ZNF469: variants seen among roughly 807,000 people sequenced by gnomAD.
ZNF469 encodes zinc finger protein 469.
A neutral mutation model predicts 1.0 loss-of-function variants in ZNF469; 1 was observed. The observed-to-expected ratio is 1.00, with a 90% confidence interval of 0.35 to 4.73. ZNF469 has a LOEUF of 4.73. ZNF469 is among the 30% of genes most tolerant of loss of function. The pLI is 0.16. For missense variants in ZNF469, 6,100 were observed against 5,356.3 expected (o/e 1.14, Z -4.33); for synonymous variants, 2,703 against 2,363.4 (o/e 1.14, Z -4.17).
At chr16:88,262,751 AG>A in the ZNF469 span, among the ~76,000 whole-genome samples, 1 of 152,116 alleles carries the variant, frequency 6.6e-6, no homozygotes, top group African/African-American at 2.4e-5. The surrounding 1 kb of genome is among the most constrained non-coding windows in gnomAD (Gnocchi z 4.3). Flanking sequence ...GGGATGCTTC[AG>A]TGAGTTCTAA....
At chr16:88,349,093 C>T in the ZNF469 span, among the ~76,000 whole-genome samples, 13 of 152,256 alleles carry the variant, frequency 8.5e-5, no homozygotes, top group Non-Finnish European at 1.2e-4. Context: ...TGGCTCTGGG[C>T]GGGAGGCAGG....
the ZNF469 span, among the ~76,000 whole-genome samples, chr16:88,338,750 G>A: frequency 6.6e-6 from 1 of 152,130 alleles, no homozygotes; most frequent in Admixed American, 6.5e-5. Flanking sequence ...ACAGAGGAAG[G>A]GCAGGGCCAC....
At chr16:88,385,794 C>T (rs1380235414) in intron 1 of ZNF469, among the ~76,000 whole-genome samples, 1 of 152,174 alleles carries the variant, frequency 6.6e-6, no homozygotes, top group Non-Finnish European at 1.5e-5. Context: ...GACCAAACCC[C>T]TCTGGGACTT....
intron 1 of ZNF469, among the ~76,000 whole-genome samples, chr16:88,390,165 C>G (rs1220962775): frequency 1.3e-5 from 2 of 152,222 alleles, no homozygotes; most frequent in Non-Finnish European, 2.9e-5. Flanking sequence ...TCCCTGTGCT[C>G]TCCAGGCAGA....
At chr16:88,422,419 G>T in intron 1 of ZNF469, among the ~76,000 whole-genome samples, 1 of 146,726 alleles carries the variant, frequency 6.8e-6, no homozygotes, top group South Asian at 2.3e-4. Context: ...GTGGACAAAT[G>T]GTAAAAGGGT....
the ZNF469 span, among the ~76,000 whole-genome samples, chr16:88,367,901 C>T: frequency 7.7e-4 from 117 of 152,316 alleles, no homozygotes; most frequent in African/African-American, 2.7e-3. Context: ...ACCAGTGAAC[C>T]TGGGCCAGCA....
the ZNF469 span, chr16:88,178,857 CTGG>C: frequency 6.9e-6 from 1 of 144,984 alleles, no homozygotes; most frequent in African/African-American, 2.5e-5. Context: ...CCACCTTCAC[CTGG>C]AGGCCGCCTT....
the ZNF469 span, among the ~76,000 whole-genome samples, chr16:88,205,659 G>A: frequency 6.6e-6 from 1 of 152,188 alleles, no homozygotes; most frequent in Non-Finnish European, 1.5e-5. The surrounding 1 kb of genome is among the most constrained non-coding windows in gnomAD (Gnocchi z 4.2). Context: ...ACAGTACAAG[G>A]CACGGATGCG....
chr16:88,211,364 T>C, the ZNF469 span, among the ~76,000 whole-genome samples: 5 of 152,252 alleles, frequency 3.3e-5, no homozygotes, highest in Non-Finnish European at 7.3e-5. Context: ...GTTAAATGCC[T>C]GGAAGGCCAG....
the ZNF469 span, among the ~76,000 whole-genome samples, chr16:88,306,695 A>G: frequency 3.3e-5 from 5 of 152,142 alleles, no homozygotes; most frequent in Non-Finnish European, 7.4e-5. Context: ...GGACAGGGCA[A>G]CCCAGGACCC....
chr16:88,215,227 T>C, the ZNF469 span, among the ~76,000 whole-genome samples: 4 of 152,144 alleles, frequency 2.6e-5, no homozygotes, highest in Non-Finnish European at 5.9e-5. Flanking sequence ...TGCATTTCTA[T>C]CTACCATGCT....
At chr16:88,189,676 T>A in the ZNF469 span, among the ~76,000 whole-genome samples, 3 of 152,190 alleles carry the variant, frequency 2.0e-5, no homozygotes, top group African/African-American at 7.2e-5. The surrounding 1 kb of genome is among the most constrained non-coding windows in gnomAD (Gnocchi z 4.3). Context: ...TCCCAGCACT[T>A]TGGGAGGCCG....
At chr16:88,209,463 G>T in the ZNF469 span, among the ~76,000 whole-genome samples, 3 of 151,696 alleles carry the variant, frequency 2.0e-5, no homozygotes, top group African/African-American at 4.8e-5. Flanking sequence ...GCTAATTTTT[G>T]TGTATTTTTA....
At chr16:88,332,126 C>G in the ZNF469 span, among the ~76,000 whole-genome samples, 1 of 152,218 alleles carries the variant, frequency 6.6e-6, no homozygotes, top group African/African-American at 2.4e-5. Context: ...CTCTCCACCC[C>G]CTCCTTGGTG....
intron 1 of ZNF469, among the ~76,000 whole-genome samples, chr16:88,422,432 A>ATGGG (rs1168674223): frequency 2.0e-5 from 2 of 98,606 alleles, no homozygotes; most frequent in South Asian, 4.0e-4. Flanking sequence ...AAAAGGGTGG[A>ATGGG]TGGGTGGGTG....
At chr16:88,310,935 T>C in the ZNF469 span, among the ~76,000 whole-genome samples, 10 of 152,206 alleles carry the variant, frequency 6.6e-5, no homozygotes, top group African/African-American at 2.4e-4. Flanking sequence ...TTGTCACTGA[T>C]GAACCCAACA....
chr16:88,264,910 C>G, the ZNF469 span, among the ~76,000 whole-genome samples: 1 of 152,182 alleles, frequency 6.6e-6, no homozygotes, highest in Non-Finnish European at 1.5e-5. Context: ...ACCGTGGCCT[C>G]TCCCCCATGT....
the ZNF469 span, among the ~76,000 whole-genome samples, chr16:88,120,570 G>A: frequency 1.3e-5 from 2 of 152,230 alleles, no homozygotes; most frequent in African/African-American, 4.8e-5. Flanking sequence ...TGAGCTCCAC[G>A]GCCGCAGCAG....
the ZNF469 span, among the ~76,000 whole-genome samples, chr16:88,314,014 C>T: frequency 6.7e-6 from 1 of 150,192 alleles, no homozygotes; most frequent in African/African-American, 2.5e-5. Flanking sequence ...ACTGTCATCT[C>T]TGTAATTCAG....
Sources: gnomAD v4.1 joint callset for allele counts (sites outside exome capture counted in the v4.1 genomes callset) on GRCh38, gnomAD v4.1.1 for gene constraint, Gnocchi (gnomAD v3.1) non-coding constraint, MANE v1.5 for transcripts, NCBI Gene and HGNC (gene_info 2026-07-23, HGNC 2026-07-21) for gene names.